Variants in ZFR2 observed in about 807,000 individuals in gnomAD.
The protein encoded by ZFR2 is zinc finger RNA-binding protein 2.
In ZFR2, 104 loss-of-function variants were observed where a neutral mutation model predicts 105.7. The ratio of observed to expected loss-of-function variants is 0.98; its 90% CI spans 0.84 to 1.16. The LOEUF is 1.16. Ranked by LOEUF, ZFR2 falls within the 50% of genes most tolerant of loss-of-function variation. The pLI, the probability that ZFR2 is intolerant of heterozygous loss-of-function variation, is 0.00. For missense variants in ZFR2, 1,425 were observed against 1,355.5 expected (o/e 1.05, Z -0.80); for synonymous variants, 634 against 597.7 (o/e 1.06, Z -0.89).
At chr19:3,865,391 C>T (rs2038417458) in intron 1 of ZFR2, among the ~76,000 whole-genome samples, 1 of 152,040 alleles carries the variant, frequency 6.6e-6, no homozygotes, top group African/African-American at 2.4e-5. Context: ...GCTCTGTTGC[C>T]CAGGCTGGAG....
Position 3,832,636 on chromosome 19 carries a change from T to C in ZFR2, c.380-758A>G, listed in dbSNP as rs555271027. ...CACCCGGCCTTTATTTTGTTTTTTT[T>C]TTTTATTTTTTATTTTTTAGAGACA... On this transcript the variant is annotated intron_variant, in intron 3 of 18. Transcript: ENST00000262961. 1.7e-4 allele frequency among the ~76,000 whole-genome samples: 26 copies of C among 148,954 alleles called. No homozygotes were observed. The South Asian group carries it at 5.5e-3, about 31-fold the overall frequency.
Position 3,808,879 on chromosome 19 carries a change from G to C in ZFR2, c.2538C>G (p.Leu846=). Residue 846 remains leucine (L), a synonymous_variant, in exon 17 of 19, where the codon CTC becomes CTG. Transcript: ENST00000262961. ...RVLECVATGT[L]LTDGPGLQDP... ...TCCGGCCCAGCGACTGACCTGTCAG[G>C]AGCGTCCCTGTGGCCACGCACTCCA... 1 of 1,550,060 alleles carries C rather than the reference G, an allele frequency of 6.5e-7. No individual in the cohort carries two copies. Among genetic ancestry groups the C allele is most frequent in the Non-Finnish European group, 8.7e-7 (1 of 1,149,682 alleles).
intron 12 of ZFR2, among the ~76,000 whole-genome samples, chr19:3,817,160 C>T (rs985931851): frequency 6.6e-6 from 1 of 152,160 alleles, no homozygotes. Context: ...TGGTGGCTCC[C>T]GCGTTCACGG....
In ZFR2 at chr19:3,814,034, G is replaced by A. The variant is rs539039484; in HGVS notation, c.2104-76C>T. On this transcript the variant is annotated intron_variant, in intron 13 of 18. Transcript: ENST00000262961. The stretch of plus-strand genomic sequence containing the variant: ...TGTGTAAATCAGCCAGGATGTGGTT[G>A]GTGTGTGTAAATTAATCCCGTCGGG... 16 of 1,580,370 alleles carry A rather than the reference G, an allele frequency of 1.0e-5. No individual in the cohort carries two copies. The South Asian group carries it at 1.8e-4, about 18-fold the overall frequency.
In ZFR2 at chr19:3,819,254, C is replaced by T. The variant is rs773004756; in HGVS notation, c.1741-19G>A. On this transcript the variant is annotated intron_variant, in intron 11 of 18. Coordinates refer to ENST00000262961, the MANE Select transcript of ZFR2 (RefSeq NM_015174.2). The stretch of plus-strand genomic sequence containing the variant: ...GCCCGGGCTGTGGGGAGAGGCCGCA[C>T]GTGTCAAGGGTGGTCTGTGGGGACC... 2.6e-5 allele frequency: 39 copies of T among 1,508,446 alleles called. No individual in the cohort carries two copies. Among genetic ancestry groups the T allele is most frequent in the Middle Eastern group, 2.3e-4 (1 of 4,332 alleles). The allele number at this position is 1,508,446 out of a possible 1,614,324, so 93.4% of individuals were successfully genotyped here. A position where few individuals can be genotyped will look rare whatever the true frequency, so the allele number is the denominator to read the frequency against.
rs941418130 is a variant in ZFR2, at chr19:3,838,443, G to A, written c.54-3460C>T. On this transcript the variant is annotated intron_variant, in intron 1 of 18. Coordinates refer to ENST00000262961, the MANE Select transcript of ZFR2 (RefSeq NM_015174.2). This position sits in a 1 kb window ranked among gnomAD's most constrained non-coding sequence, Gnocchi z 4.9. The stretch of plus-strand genomic sequence containing the variant: ...GAGAGGAAGGTGGAAGGTTCCATAC[G>A]GGAGCTGGGGCAGAGCAGAGCTGGC... Among the ~76,000 whole-genome samples the A allele has an allele frequency of 2.6e-5, 4 of 152,152 alleles. No individual in the cohort carries two copies. Among genetic ancestry groups the A allele is most frequent in the Admixed American group, 6.5e-5 (1 of 15,276 alleles).
At chr19:3,812,954 A>T (rs961972889) in intron 14 of ZFR2, among the ~76,000 whole-genome samples, 3 of 152,014 alleles carry the variant, frequency 2.0e-5, no homozygotes, top group Non-Finnish European at 4.4e-5. Context: ...AGTGGCGCAC[A>T]CCTGTAGTCC....
intron 1 of ZFR2, among the ~76,000 whole-genome samples, chr19:3,850,006 G>A (rs565763810): frequency 6.6e-6 from 1 of 152,224 alleles, no homozygotes; most frequent in Admixed American, 6.5e-5. Flanking sequence ...ACAGGGTCAG[G>A]GTGACATCAG....
intron 1 of ZFR2, among the ~76,000 whole-genome samples, chr19:3,854,832 T>C (rs1245867878): frequency 6.6e-6 from 1 of 152,216 alleles, no homozygotes; most frequent in East Asian, 1.9e-4. Context: ...GATGCAATCA[T>C]AGCTCACTGC....
At position 3,823,162 on chromosome 19, in the gene ZFR2, A is replaced by C; in HGVS notation, c.1371+84T>G. ...GGATGGGTCTGTAAATCTCGCTGGG[A>C]GAAGCCGGGTGAGGTCTCGAAGCCT... On this transcript the variant is annotated intron_variant, in intron 8 of 18. Transcript: ENST00000262961. The surrounding 1 kb of genome is among the most constrained non-coding windows in gnomAD (Gnocchi z 5.4). 1 of 1,587,786 alleles carries C rather than the reference A, an allele frequency of 6.3e-7. No homozygotes were observed. The highest frequency in any genetic ancestry group is 8.6e-7 in the Non-Finnish European group (1 of 1,163,768).
At chr19:3,812,164 G>A (rs1463381494) in intron 14 of ZFR2, among the ~76,000 whole-genome samples, 1 of 152,026 alleles carries the variant, frequency 6.6e-6, no homozygotes, top group African/African-American at 2.4e-5. Context: ...GGCTGATCTC[G>A]AACCCCTCAC....
intron 1 of ZFR2, among the ~76,000 whole-genome samples, chr19:3,860,774 T>G (rs1568434602): frequency 6.6e-6 from 1 of 152,152 alleles, no homozygotes; most frequent in East Asian, 1.9e-4. Flanking sequence ...TGCACCAAAC[T>G]GGCCGACATC....
intron 16 of ZFR2, 42 bp downstream of exon 16, chr19:3,810,708 G>C (rs1295506976): frequency 6.6e-7 from 1 of 1,524,952 alleles, no homozygotes; most frequent in African/African-American, 1.4e-5. Flanking sequence ...GGAGGCCCTT[G>C]GGGGTCCCAG....
chr19:3,811,257 C>A lies in ZFR2; in HGVS notation c.2337+15G>T. ...AGTCACCCCTCTCCCCCTGCTCCAC[C>A]CCTGCCCCCCTGACCTGAAACCACC... is the stretch of plus-strand genomic sequence containing the variant. On this transcript the variant is annotated intron_variant, in intron 15 of 18. Transcript: ENST00000262961. The A allele has an allele frequency of 2.6e-6, 4 of 1,560,906 alleles. No homozygotes were observed. The highest frequency in any genetic ancestry group is 3.5e-6 in the Non-Finnish European group (4 of 1,154,408).
chr19:3,821,908 C>T (rs1048647564), intron 9 of ZFR2, among the ~76,000 whole-genome samples, 173 bp downstream of exon 9: 1 of 152,112 alleles, frequency 6.6e-6, no homozygotes, highest in African/African-American at 2.4e-5. Context: ...CGCGCCCGGC[C>T]GAAGATACAC....
In ZFR2 at chr19:3,811,269, G is replaced by A; in HGVS notation, c.2337+3C>T. 1.3e-6 allele frequency: 2 copies of A among 1,583,468 alleles called. No individual in the cohort carries two copies. The highest frequency in any genetic ancestry group is 1.7e-6 in the Non-Finnish European group (2 of 1,165,958). On this transcript the variant is annotated splice_donor_region_variant and intron_variant, in intron 15 of 18. Coordinates refer to ENST00000262961, the MANE Select transcript of ZFR2 (RefSeq NM_015174.2). ...CCCCCTGCTCCACCCCTGCCCCCCT[G>A]ACCTGAAACCACCTGGCATGACGGA...
rs2037792385 is a variant in ZFR2 at position 3,813,490 on chromosome 19, C to T, written c.2242+330G>A. Among the ~76,000 whole-genome samples, 4 of 152,184 alleles carry T rather than the reference C, an allele frequency of 2.6e-5. No individual in the cohort carries two copies. In the South Asian group the frequency reaches 8.3e-4, roughly 32 times the overall value. The stretch of plus-strand genomic sequence containing the variant: ...GAAATGGCTCAGACCTGTCCTTTGC[C>T]GCCAGGGCTGGTGTCACCAGGGCCT... On this transcript the variant is annotated intron_variant, in intron 14 of 18. Transcript: ENST00000262961. This position sits in a 1 kb window ranked among gnomAD's most constrained non-coding sequence, Gnocchi z 4.4.
chr19:3,831,192 C>A (rs1455424307), intron 5 of ZFR2, 111 bp downstream of exon 5: 1 of 1,399,546 alleles, frequency 7.1e-7, no homozygotes, highest in East Asian at 2.5e-5. Context: ...AACACCAGAC[C>A]TTCTTTCAGC....
chr19:3,833,574 T>TAAAA, intron 3 of ZFR2, 90 bp downstream of exon 3: 1 of 816,808 alleles, frequency 1.2e-6, no homozygotes, highest in Non-Finnish European at 1.8e-6. Context: ...AGACTCTGTC[T>TAAAA]AAAAAAAAAA....
Sources: allele counts gnomAD v4.1 joint callset (sites outside exome capture counted in the v4.1 genomes callset), GRCh38; gene constraint gnomAD v4.1.1; non-coding constraint Gnocchi (gnomAD v3.1); transcripts MANE v1.5; gene names NCBI Gene and HGNC (gene_info 2026-07-23, HGNC 2026-07-21).